KCNAB1: variants seen among roughly 807,000 people sequenced by gnomAD.
KCNAB1 encodes potassium voltage-gated channel subfamily A regulatory beta subunit 1.
A neutral mutation model predicts 64.6 loss-of-function variants in KCNAB1; 35 were observed. The ratio of observed to expected loss-of-function variants is 0.54; its 90% CI spans 0.41 to 0.72. The LOEUF is 0.72. Among genes scored for constraint, KCNAB1 ranks in the 30% least tolerant of loss-of-function variants. KCNAB1 has a pLI of 0.00. For synonymous variants in KCNAB1, 177 were observed against 183.8 expected, an observed-to-expected ratio of 0.96 and a Z score of 0.30; for missense variants, 401 against 512.9, an observed-to-expected ratio of 0.78 and a Z score of 2.11.
chr3:156,373,468 T>G (rs1726461056), intron 1 of KCNAB1, among the ~76,000 whole-genome samples: 1 of 152,198 alleles, frequency 6.6e-6, no homozygotes, highest in African/African-American at 2.4e-5. Flanking sequence ...AAGAGAGACC[T>G]CACTGTTTTT....
intron 1 of KCNAB1, among the ~76,000 whole-genome samples, chr3:156,259,538 C>A (rs1194819410): frequency 1.3e-5 from 2 of 152,152 alleles, no homozygotes; most frequent in African/African-American, 4.8e-5. Flanking sequence ...GAAACAAACA[C>A]TCCTGAACTT....
chr3:156,279,648 T>C (rs1719570499), intron 1 of KCNAB1, among the ~76,000 whole-genome samples: 3 of 152,314 alleles, frequency 2.0e-5, no homozygotes, highest in East Asian at 3.9e-4. Context: ...GACTTTCTAA[T>C]GATTGCCATT....
At chr3:156,458,154 T>C (rs1712594149) in intron 4 of KCNAB1, among the ~76,000 whole-genome samples, 1 of 152,328 alleles carries the variant, frequency 6.6e-6, no homozygotes, top group Non-Finnish European at 1.5e-5. Flanking sequence ...GAGTCCTCGC[T>C]TCTTTTGTGA....
intron 1 of KCNAB1, among the ~76,000 whole-genome samples, chr3:156,338,543 C>A (rs1723889595): frequency 6.6e-6 from 1 of 152,020 alleles, no homozygotes; most frequent in African/African-American, 2.4e-5. Flanking sequence ...AACTCCCGAC[C>A]TCAGGTGATC....
chr3:156,431,147 T>C (rs1261713639), intron 2 of KCNAB1, among the ~76,000 whole-genome samples: 1 of 152,134 alleles, frequency 6.6e-6, no homozygotes, highest in Non-Finnish European at 1.5e-5. Context: ...TGCCTGCCTT[T>C]CCCTCCTTTG....
intron 1 of KCNAB1, among the ~76,000 whole-genome samples, chr3:156,141,642 A>G (rs926828414): frequency 6.6e-6 from 1 of 152,090 alleles, no homozygotes; most frequent in African/African-American, 2.4e-5. Context: ...TAGTATGAAT[A>G]TGCCACAGTT....
chr3:156,531,442 TGC>T lies in KCNAB1; in HGVS notation c.1116_1117del (p.Leu373ProfsTer7). On this transcript the variant is annotated frameshift_variant, in exon 13 of 14. Coordinates refer to ENST00000490337, the MANE Select transcript of KCNAB1 (RefSeq NM_172160.3). LOFTEE classifies it high-confidence loss of function. ...CTGAGAAATGAAGGTGTGAGTTCTG[TGC>T]TCCTGGGATCATCCACTCCTGAACA... 1 of 1,614,150 alleles carries T rather than the reference TGC, an allele frequency of 6.2e-7. No homozygotes were observed.
chr3:156,356,314 A>G (rs1408178505), intron 1 of KCNAB1, among the ~76,000 whole-genome samples: 1 of 152,190 alleles, frequency 6.6e-6, no homozygotes, highest in Non-Finnish European at 1.5e-5. Flanking sequence ...TCATTCTGCA[A>G]GGCTAGTTTC....
intron 1 of KCNAB1, among the ~76,000 whole-genome samples, chr3:156,160,579 A>C (rs1716019174): frequency 6.6e-6 from 1 of 152,170 alleles, no homozygotes; most frequent in Admixed American, 6.5e-5. Flanking sequence ...AAACTGTTGA[A>C]GGATTCTTAG....
chr3:156,512,941 A>G (rs1470781567), intron 8 of KCNAB1, among the ~76,000 whole-genome samples: 1 of 152,206 alleles, frequency 6.6e-6, no homozygotes, highest in African/African-American at 2.4e-5. Context: ...GGACGGGAGC[A>G]GTGGCTCACG....
At chr3:156,305,380 A>C (rs1721428603) in intron 1 of KCNAB1, among the ~76,000 whole-genome samples, 1 of 152,204 alleles carries the variant, frequency 6.6e-6, no homozygotes, top group Non-Finnish European at 1.5e-5. Context: ...AAAGGATTGC[A>C]GGATGGATGA....
At chr3:156,297,558 T>C (rs1014811605) in intron 1 of KCNAB1, among the ~76,000 whole-genome samples, 1 of 152,196 alleles carries the variant, frequency 6.6e-6, no homozygotes, top group South Asian at 2.1e-4. Flanking sequence ...TACTTTCCTA[T>C]AGAGAGTCAG....
Position 156,313,110 on chromosome 3 carries a change from A to G in KCNAB1, c.276-108506A>G, listed in dbSNP as rs528260696. Among the ~76,000 whole-genome samples, 3 of 152,368 alleles carry G rather than the reference A, an allele frequency of 2.0e-5. No homozygotes were observed. In the South Asian group the frequency reaches 6.2e-4, roughly 32 times the overall value. On this transcript the variant is annotated intron_variant, in intron 1 of 13. Coordinates refer to ENST00000490337, the MANE Select transcript of KCNAB1 (RefSeq NM_172160.3). ...CACAGCATTAGTAGCAAACAGCAAT[A>G]GCTCAAATTTATACATTTAAATGAA...
Position 156,327,501 on chromosome 3 carries a change from C to T in KCNAB1, c.276-94115C>T, listed in dbSNP as rs141132160. The stretch of plus-strand genomic sequence containing the variant: ...TTAGATATACCATTAATTTATTAAC[C>T]CATATATAATGTGTACTGTGTGTCA... On this transcript the variant is annotated intron_variant, in intron 1 of 13. Coordinates refer to ENST00000490337, the MANE Select transcript of KCNAB1 (RefSeq NM_172160.3). Among the ~76,000 whole-genome samples, 3 of 152,100 alleles carry T rather than the reference C, an allele frequency of 2.0e-5. No homozygotes were observed. The East Asian group carries it at 5.8e-4, about 29-fold the overall frequency.
chr3:156,224,212 C>T (rs994794773), intron 1 of KCNAB1, among the ~76,000 whole-genome samples: 20 of 152,232 alleles, frequency 1.3e-4, no homozygotes, highest in Non-Finnish European at 2.6e-4. Context: ...GCCAGCCGGC[C>T]GCTCTGAGTG....
chr3:156,220,266 A>G (rs1217361701), intron 1 of KCNAB1, among the ~76,000 whole-genome samples: 1 of 152,152 alleles, frequency 6.6e-6, no homozygotes, highest in Non-Finnish European at 1.5e-5. Flanking sequence ...TGGTATTTCT[A>G]GTTCTAGATC....
chr3:156,133,256 G>A (rs1292832308), intron 1 of KCNAB1, among the ~76,000 whole-genome samples: 3 of 152,160 alleles, frequency 2.0e-5, no homozygotes, highest in South Asian at 2.1e-4. Context: ...TAATTTGAAC[G>A]ATGTGACTAT....
intron 1 of KCNAB1, among the ~76,000 whole-genome samples, chr3:156,244,222 T>C (rs1261990336): frequency 1.3e-5 from 2 of 152,214 alleles, no homozygotes; most frequent in African/African-American, 4.8e-5. Flanking sequence ...TCCTTACTTT[T>C]TCCAGATTCT....
chr3:156,375,994 AT>A (rs1172834391), intron 1 of KCNAB1, among the ~76,000 whole-genome samples: 1 of 152,136 alleles, frequency 6.6e-6, no homozygotes, highest in Non-Finnish European at 1.5e-5. Context: ...TAATTTTTGT[AT>A]TTTTAGTAGA....
Sources: gnomAD v4.1 joint callset for allele counts (sites outside exome capture counted in the v4.1 genomes callset) on GRCh38, gnomAD v4.1.1 for gene constraint, MANE v1.5 for transcripts, NCBI Gene and HGNC (gene_info 2026-07-23, HGNC 2026-07-21) for gene names.